NRG3: variants seen among roughly 807,000 people sequenced by gnomAD.
NRG3 encodes neuregulin 3.
NRG3 carries 31 observed loss-of-function variants against 66.9 expected under a neutral mutation model. That is an observed-to-expected ratio of 0.46 (90% confidence interval 0.35 to 0.63). NRG3 has a LOEUF of 0.63. Ranked by LOEUF, NRG3 falls within the 20% of genes least tolerant of loss-of-function variation. The pLI is 0.00. For missense variants in NRG3, 910 were observed against 878.9 expected (o/e 1.04, Z -0.45); for synonymous variants, 393 against 359.4 (o/e 1.09, Z -1.06).
intron 1 of NRG3, among the ~76,000 whole-genome samples, chr10:81,983,326 T>C (rs1233234218): frequency 6.6e-6 from 1 of 152,230 alleles, no homozygotes; most frequent in Non-Finnish European, 1.5e-5. Context: ...TTTTCTTAAA[T>C]GTTGATGGCC....
intron 1 of NRG3, among the ~76,000 whole-genome samples, chr10:82,061,861 T>TCTCTCTCTCTCTCTCA (rs2064164632): frequency 1.4e-5 from 2 of 147,742 alleles, no homozygotes; most frequent in South Asian, 2.1e-4. Flanking sequence ...TCTCTCTCTC[T>TCTCTCTCTCTCTCTCA]CACACACACA....
At chr10:82,264,889 G>A (rs1246764083) in intron 1 of NRG3, among the ~76,000 whole-genome samples, 1 of 152,150 alleles carries the variant, frequency 6.6e-6, no homozygotes, top group East Asian at 1.9e-4. Context: ...GGGTACAAAA[G>A]AGAGAAGGGA....
intron 2 of NRG3, among the ~76,000 whole-genome samples, chr10:82,471,726 C>A (rs1313868677): frequency 1.3e-5 from 2 of 152,014 alleles, no homozygotes; most frequent in African/African-American, 2.4e-5. Flanking sequence ...CATGGTGAAA[C>A]CCCGTCTCTA....
chr10:82,969,200 G>A lies in NRG3; in HGVS notation c.1285-4588G>A, dbSNP rs114336423. ...TCAGTTTGTCATGGATTTGCCCAGAGCATCTCACTTGTTTTTGTAGCTGGG... is the reference window on the plus strand; with the variant it reads ...TCAGTTTGTCATGGATTTGCCCAGAACATCTCACTTGTTTTTGTAGCTGGG... On this transcript the variant is annotated intron_variant, in intron 6 of 8. Coordinates refer to ENST00000372141, the MANE Select transcript of NRG3 (RefSeq NM_001010848.4). Among the ~76,000 whole-genome samples, 1,210 of 152,246 alleles carry A rather than the reference G, an allele frequency of 7.9e-3. 20 individuals carry two copies. The highest frequency in any genetic ancestry group is 0.028 in the African/African-American group (1,144 of 41,534).
intron 2 of NRG3, among the ~76,000 whole-genome samples, chr10:82,667,850 T>G (rs532391987): frequency 2.3e-4 from 35 of 152,302 alleles, no homozygotes; most frequent in African/African-American, 7.9e-4. Flanking sequence ...CTCAGATAAC[T>G]TCATGTTTAT....
intron 1 of NRG3, among the ~76,000 whole-genome samples, chr10:82,227,120 A>G (rs568394868): frequency 1.4e-4 from 21 of 152,276 alleles, no homozygotes; most frequent in African/African-American, 4.6e-4. Flanking sequence ...TGAGAAGGTC[A>G]TCTTTCCTTA....
intron 2 of NRG3, among the ~76,000 whole-genome samples, chr10:82,679,095 G>A (rs1401141997): frequency 1.3e-5 from 2 of 152,184 alleles, no homozygotes; most frequent in African/African-American, 4.8e-5. Context: ...CAAAAGTAGA[G>A]TTATAATTTG....
chr10:82,610,499 G>A (rs1213171440), intron 2 of NRG3, among the ~76,000 whole-genome samples: 1 of 152,122 alleles, frequency 6.6e-6, no homozygotes. Flanking sequence ...ATGAAACAAT[G>A]ACTGGCATCG....
chr10:82,738,839 C>G (rs1279062122), intron 3 of NRG3, among the ~76,000 whole-genome samples, 189 bp downstream of exon 3: 3 of 152,184 alleles, frequency 2.0e-5, no homozygotes, highest in Admixed American at 6.5e-5. Flanking sequence ...TCTTCTCTGA[C>G]GATGAGGCCT....
At chr10:82,471,188 C>T (rs769363353) in intron 2 of NRG3, among the ~76,000 whole-genome samples, 111 of 152,278 alleles carry the variant, frequency 7.3e-4, no homozygotes, top group African/African-American at 2.5e-3. Context: ...GAAATAGTGA[C>T]TCTCAGCAAA....
chr10:82,734,660 TG>T (rs779591639), intron 2 of NRG3, among the ~76,000 whole-genome samples: 88 of 152,182 alleles, frequency 5.8e-4, no homozygotes, highest in South Asian at 3.1e-3. Context: ...TCCTCAACTA[TG>T]CCCTTCCCTA....
At chr10:82,161,407 C>A (rs1361572825) in intron 1 of NRG3, among the ~76,000 whole-genome samples, 4 of 152,092 alleles carry the variant, frequency 2.6e-5, no homozygotes, top group African/African-American at 9.7e-5. Context: ...AATACAGAAG[C>A]ACCGACTATG....
At chr10:82,711,535 T>TTGTGTG (rs10603040) in intron 2 of NRG3, among the ~76,000 whole-genome samples, 1 of 148,290 alleles carries the variant, frequency 6.7e-6, no homozygotes, top group Non-Finnish European at 1.5e-5. Flanking sequence ...ATCTGTGTGT[T>TTGTGTG]TGTGTGTGTG....
intron 4 of NRG3, among the ~76,000 whole-genome samples, chr10:82,927,136 C>T (rs1319534144): frequency 6.6e-6 from 1 of 152,152 alleles, no homozygotes; most frequent in Non-Finnish European, 1.5e-5. Context: ...GAATCCCCAG[C>T]ACAGAGCTCT....
intron 3 of NRG3, among the ~76,000 whole-genome samples, chr10:82,780,074 G>A (rs1490526533): frequency 6.6e-6 from 1 of 152,168 alleles, no homozygotes; most frequent in Non-Finnish European, 1.5e-5. Flanking sequence ...TGGCTGCATA[G>A]TATTCCATGG....
chr10:82,913,488 G>T (rs1202614781), intron 4 of NRG3, among the ~76,000 whole-genome samples: 1 of 151,884 alleles, frequency 6.6e-6, no homozygotes, highest in Non-Finnish European at 1.5e-5. Context: ...ATGTGTACTG[G>T]TGACAAATTT....
At chr10:82,457,284 G>A (rs2091309176) in intron 2 of NRG3, among the ~76,000 whole-genome samples, 1 of 152,264 alleles carries the variant, frequency 6.6e-6, no homozygotes, top group African/African-American at 2.4e-5. Context: ...TAGGGGAATA[G>A]GGGGAATACG....
chr10:82,676,564 A>G (rs1225213096), intron 2 of NRG3, among the ~76,000 whole-genome samples: 6 of 151,940 alleles, frequency 3.9e-5, no homozygotes, highest in African/African-American at 9.7e-5. Flanking sequence ...GCTCACTGCA[A>G]CCTTCACCTC....
intron 3 of NRG3, among the ~76,000 whole-genome samples, chr10:82,841,875 C>T (rs1420155011): frequency 1.3e-5 from 2 of 152,180 alleles, no homozygotes; most frequent in African/African-American, 4.8e-5. Context: ...AAGTTTATTT[C>T]TTTCTCTCAT....
Sources: allele counts gnomAD v4.1 joint callset (sites outside exome capture counted in the v4.1 genomes callset), GRCh38; gene constraint gnomAD v4.1.1; transcripts MANE v1.5; gene names NCBI Gene and HGNC (gene_info 2026-07-23, HGNC 2026-07-21).